Variants in ASB7 observed in about 807,000 individuals in gnomAD.
The protein encoded by ASB7 is ankyrin repeat and SOCS box containing 7, also known as ankyrin repeat and SOCS box protein 7.
A neutral mutation model predicts 32.5 loss-of-function variants in ASB7; 4 were observed. The observed-to-expected ratio is 0.12, with a 90% CI of 0.06 to 0.28. The LOEUF (loss-of-function observed/expected upper bound fraction) is 0.28. ASB7 is among the 10% of genes least tolerant of loss of function. ASB7 has a pLI of 1.00. For missense variants in ASB7, 181 were observed against 407.1 expected (o/e 0.44, Z 4.78); for synonymous variants, 172 against 155.6 (o/e 1.11, Z -0.78).
intron 2 of ASB7, among the ~76,000 whole-genome samples, chr15:100,607,943 G>A (rs995078270): frequency 6.6e-6 from 1 of 152,160 alleles, no homozygotes; most frequent in Non-Finnish European, 1.5e-5. Flanking sequence ...CTCTCATGCC[G>A]TCTTCCCTGA....
intron 5 of ASB7, among the ~76,000 whole-genome samples, chr15:100,631,756 A>G (rs2039884860): frequency 6.6e-6 from 1 of 152,208 alleles, no homozygotes; most frequent in Non-Finnish European, 1.5e-5. Flanking sequence ...TCAAATTAAG[A>G]TAATACAGGC....
chr15:100,612,574 G>C (rs1237644845), intron 4 of ASB7, 147 bp downstream of exon 4: 2 of 786,352 alleles, frequency 2.5e-6, no homozygotes, highest in African/African-American at 3.5e-5. Flanking sequence ...TTTGCTATAA[G>C]TGTGCCTTTT....
At chr15:100,633,710 AAG>A (rs1268498924) in intron 5 of ASB7, among the ~76,000 whole-genome samples, 6 of 152,042 alleles carry the variant, frequency 3.9e-5, no homozygotes, top group Non-Finnish European at 8.8e-5. Flanking sequence ...GAAGAAAAAA[AAG>A]AGAAATAAAT....
At position 100,602,890 on chromosome 15, in the gene ASB7, T is replaced by A. The variant is rs1056754511; in HGVS notation, c.-429T>A. 1 of 397,792 alleles carries A rather than the reference T, an allele frequency of 2.5e-6. No homozygotes were observed. Among genetic ancestry groups the A allele is most frequent in the African/African-American group, 2.1e-5 (1 of 48,712 alleles). The allele number at this position is 397,792 out of a possible 1,614,324, so 24.6% of individuals were successfully genotyped here. A position where few individuals can be genotyped will look rare whatever the true frequency, so the allele number is the denominator to read the frequency against. On this transcript the variant is annotated 5_prime_UTR_variant, in exon 1 of 6. Coordinates refer to ENST00000332783, the MANE Select transcript of ASB7 (RefSeq NM_198243.3). ...GCCGGGATCGCCACCTCCTGCCTTC[T>A]CGGCTGTTCGGATGTTCGCCGGGCT...
intron 4 of ASB7, among the ~76,000 whole-genome samples, chr15:100,613,027 CTG>C (rs2039710218): frequency 6.6e-6 from 1 of 152,196 alleles, no homozygotes; most frequent in Non-Finnish European, 1.5e-5. Flanking sequence ...CTTTGAAAAA[CTG>C]TTCATTCCCA....
chr15:100,615,852 G>A (rs533097111), intron 4 of ASB7, among the ~76,000 whole-genome samples: 1 of 152,224 alleles, frequency 6.6e-6, no homozygotes, highest in Admixed American at 6.5e-5. Context: ...AGATTCCATC[G>A]TATGGATGTA....
intron 4 of ASB7, 59 bp downstream of exon 4, chr15:100,612,486 T>G: frequency 6.9e-7 from 1 of 1,442,744 alleles, no homozygotes; most frequent in South Asian, 1.1e-5. Context: ...ATGTTTAGTT[T>G]AAAATGTGTC....
At chr15:100,641,433 A>C (rs2039961239) in intron 5 of ASB7, among the ~76,000 whole-genome samples, 1 of 152,226 alleles carries the variant, frequency 6.6e-6, no homozygotes, top group South Asian at 2.1e-4. Context: ...TATGCCTAAA[A>C]TTTAGCTCAC....
intron 5 of ASB7, among the ~76,000 whole-genome samples, chr15:100,635,124 T>TC (rs2141403202): frequency 1.3e-5 from 2 of 152,316 alleles, no homozygotes; most frequent in East Asian, 3.9e-4. Flanking sequence ...TACAGCACTG[T>TC]TGGGGGGTCA....
At chr15:100,639,953 A>T (rs1448711121) in intron 5 of ASB7, among the ~76,000 whole-genome samples, 4 of 152,200 alleles carry the variant, frequency 2.6e-5, no homozygotes, top group African/African-American at 9.6e-5. Context: ...GAAAAATGTC[A>T]TAAGCCTGAT....
At position 100,651,284 on chromosome 15, in the gene ASB7, A is replaced by G. The variant is rs2040030449; in HGVS notation, c.*2822A>G. ...GATTATTTAATTCCCATATTTCTAA[A>G]CTATTTACTACACAGTAATCCATGC... On this transcript the variant is annotated 3_prime_UTR_variant, in exon 6 of 6. Transcript: ENST00000332783. The G allele has an allele frequency of 6.6e-6, 1 of 152,104 alleles. No homozygotes were observed. 9.4% of individuals were successfully genotyped at this position (152,104 alleles called of 1,614,324 possible). A position where few individuals can be genotyped will look rare whatever the true frequency, so the allele number is the denominator to read the frequency against.
intron 3 of ASB7, among the ~76,000 whole-genome samples, chr15:100,611,467 A>T (rs1399204024): frequency 2.4e-5 from 2 of 83,348 alleles, no homozygotes; most frequent in Non-Finnish European, 5.1e-5. Context: ...GTGGTTAATC[A>T]CCAGATTGTT....
At chr15:100,627,294 G>T (rs2039848063) in intron 4 of ASB7, among the ~76,000 whole-genome samples, 1 of 152,156 alleles carries the variant, frequency 6.6e-6, no homozygotes, top group South Asian at 2.1e-4. Context: ...AAATGTTTAG[G>T]GAAGGCTTTT....
chr15:100,618,404 C>T (rs1220203078), intron 4 of ASB7, among the ~76,000 whole-genome samples: 2 of 152,098 alleles, frequency 1.3e-5, no homozygotes, highest in Admixed American at 6.5e-5. Flanking sequence ...CATGAGCCAC[C>T]GCGTCCAGTC....
intron 3 of ASB7, among the ~76,000 whole-genome samples, chr15:100,610,881 T>C (rs2039690340): frequency 6.6e-6 from 1 of 152,250 alleles, no homozygotes. Context: ...TTCCTTCCAG[T>C]TAGCACACCT....
At chr15:100,627,305 C>A (rs2039848191) in intron 4 of ASB7, among the ~76,000 whole-genome samples, 1 of 152,042 alleles carries the variant, frequency 6.6e-6, no homozygotes, top group Admixed American at 6.6e-5. Context: ...GAAGGCTTTT[C>A]TTTTTTTGAT....
In ASB7 at chr15:100,649,962, T is replaced by C. The variant is rs148971315; in HGVS notation, c.*1500T>C. 6.6e-6 allele frequency: 1 copy of C among 152,360 alleles called. No individual in the cohort carries two copies. Among genetic ancestry groups the C allele is most frequent in the East Asian group, 1.9e-4 (1 of 5,186 alleles). 9.4% of individuals were successfully genotyped at this position (152,360 alleles called of 1,614,324 possible). On this transcript the variant is annotated 3_prime_UTR_variant, in exon 6 of 6. Coordinates refer to ENST00000332783, the MANE Select transcript of ASB7 (RefSeq NM_198243.3). ...AGTGTAAAACTGTTTCACCCAGAAG[T>C]GTAACTAAGCAGAACTAGGAGTTTT...
Position 100,636,953 on chromosome 15 carries a change from G to A in ASB7, c.817+6911G>A, listed in dbSNP as rs183632942. Reference sequence around the variant, plus strand: ...CAGGTGAAACTGCTGGCATGTTAGCGTGAATCGAGACAGTGGCCCCAGCCG... The same window carrying A: ...CAGGTGAAACTGCTGGCATGTTAGCATGAATCGAGACAGTGGCCCCAGCCG... On this transcript the variant is annotated intron_variant, in intron 5 of 5. Transcript: ENST00000332783. Among the ~76,000 whole-genome samples the A allele has an allele frequency of 3.5e-3, 529 of 152,342 alleles. 3 individuals are homozygous for A. Among genetic ancestry groups the A allele is most frequent in the African/African-American group, 0.012 (503 of 41,570 alleles).
Position 100,630,014 on chromosome 15 carries a change from A to G in ASB7, c.789A>G (p.Pro263=), listed in dbSNP as rs1334899683. The G allele has an allele frequency of 2.5e-6, 4 of 1,603,178 alleles. No individual in the cohort carries two copies. Among genetic ancestry groups the G allele is most frequent in the Admixed American group, 1.7e-5 (1 of 58,776 alleles). Residue 263 remains proline (P), a synonymous_variant, in exon 5 of 6, where the codon CCA becomes CCG. Coordinates refer to ENST00000332783, the MANE Select transcript of ASB7 (RefSeq NM_198243.3). ...VSISISGSSR[P]CLDFLQEVTR... Reference sequence around the variant, plus strand: ...TAAGTATTTCTGGAAGTAGTCGACCATGTTTGGATTTCTTACAAGAAGTCA... The same window carrying G: ...TAAGTATTTCTGGAAGTAGTCGACCGTGTTTGGATTTCTTACAAGAAGTCA...
Sources: allele counts gnomAD v4.1 joint callset (sites outside exome capture counted in the v4.1 genomes callset), GRCh38; gene constraint gnomAD v4.1.1; transcripts MANE v1.5; gene names NCBI Gene and HGNC (gene_info 2026-07-23, HGNC 2026-07-21).